Variants in DSPP observed in about 807,000 individuals in gnomAD.
The protein encoded by DSPP is deafness, autosomal dominant 39.
In DSPP, 28 loss-of-function variants were observed where a neutral mutation model predicts 29.1. That is an observed-to-expected ratio of 0.96 (90% CI 0.71 to 1.32). DSPP has a LOEUF of 1.32. Among genes scored for constraint, DSPP ranks in the 40% most tolerant of loss-of-function variants. DSPP has a pLI of 0.00. For synonymous variants in DSPP, 481 were observed against 503.4 expected, an observed-to-expected ratio of 0.96 and a Z score of 0.60; for missense variants, 1,281 against 1,629.9, an observed-to-expected ratio of 0.79 and a Z score of 3.69.
At position 87,613,979 on chromosome 4, in the gene DSPP, C is replaced by A. The variant is rs1171063709; in HGVS notation, c.1317C>A (p.Ser439Arg). Residue 439 changes from serine (S) to arginine (R), a missense_variant, in exon 5 of 5, where the codon AGC becomes AGA. Around this residue, in one of 4 missense-constraint regions of DSPP, gnomAD observed 631 missense variants for 643.2 expected, o/e 0.98. Coordinates refer to ENST00000651931, the MANE Select transcript of DSPP (RefSeq NM_014208.3). ...AACCAGGAAATAAAGTTGGACACAG[C>A]AATACAGGTAGTGACAGCAATAGTG... Reference protein sequence around the residue: ...KSEPGNKVGHSNTGSDSNSDG... With the variant: ...KSEPGNKVGHRNTGSDSNSDG... 1.3e-5 allele frequency: 21 copies of A among 1,614,116 alleles called. No homozygotes were observed. The East Asian group carries it at 4.2e-4, about 33-fold the overall frequency.
At position 87,614,882 on chromosome 4, in the gene DSPP, C is replaced by A. The variant is rs1484786623; in HGVS notation, c.2220C>A (p.Ser740Arg). Residue 740 changes from serine to arginine, a missense_variant, in exon 5 of 5, where the codon AGC becomes AGA. By Grantham distance (110) the Ser-to-Arg change is moderately radical (BLOSUM62 -1). Transcript: ENST00000651931. ...NSSDSSDSSN[S>R]SDSSDSSDSS... The stretch of plus-strand genomic sequence containing the variant: ...GCGATAGCAGTGACAGCAGCAACAG[C>A]AGTGACAGCAGTGATAGCAGTGACA... 3 of 1,543,906 alleles carry A rather than the reference C, an allele frequency of 1.9e-6. No individual in the cohort carries two copies. The highest frequency in any genetic ancestry group is 1.8e-6 in the Non-Finnish European group (2 of 1,141,610).
rs777881699 is a variant in DSPP at position 87,612,431 on chromosome 4, G to T, written c.245G>T (p.Gly82Val). 6.2e-7 allele frequency: 1 copy of T among 1,614,020 alleles called. No individual in the cohort carries two copies. The highest frequency in any genetic ancestry group is 1.1e-5 in the South Asian group (1 of 91,052). The change falls in exon 4 of 5, where the codon GGC becomes GTC. Residue 82 changes from glycine to valine, a missense_variant. Transcript: ENST00000651931. ...TQDGHKGEGN[G>V]SKWAEVGGKS... Reference sequence around the variant, plus strand: ...GATGGTCACAAGGGAGAAGGGAATGGCTCTAAGTGGGCAGAAGTAGGAGGG... The same window carrying T: ...GATGGTCACAAGGGAGAAGGGAATGTCTCTAAGTGGGCAGAAGTAGGAGGG...
At position 87,613,280 on chromosome 4, in the gene DSPP, C is replaced by T. The variant is rs1727776993; in HGVS notation, c.1094C>T (p.Thr365Ile). The T allele has an allele frequency of 6.2e-7, 1 of 1,613,518 alleles. No homozygotes were observed. Among genetic ancestry groups the T allele is most frequent in the Non-Finnish European group, 8.5e-7 (1 of 1,180,012 alleles). ...VENRITKESE[T>I]HAVGKSQDKG... Reference sequence around the variant, plus strand: ...AATAGAATCACCAAAGAATCAGAGACACATGCTGTTGGGAAGAGCCAAGAT... The same window carrying T: ...AATAGAATCACCAAAGAATCAGAGATACATGCTGTTGGGAAGAGCCAAGAT... Residue 365 changes from threonine to isoleucine, a missense_variant, in exon 4 of 5, where the codon ACA becomes ATA. Coordinates refer to ENST00000651931, the MANE Select transcript of DSPP (RefSeq NM_014208.3).
Position 87,614,812 on chromosome 4 carries a change from ACAG to A in DSPP, c.2154_2156del (p.Ser719del). 1 of 1,550,340 alleles carries A rather than the reference ACAG, an allele frequency of 6.5e-7. No individual in the cohort carries two copies. Among genetic ancestry groups the A allele is most frequent in the Non-Finnish European group, 8.7e-7 (1 of 1,146,766 alleles). ...GATAGTGACAGCAGTGATAGTAGTG[ACAG>A]CAGTAATAGTAACAGCAGCGATAGT... On this transcript the variant is annotated inframe_deletion, in exon 5 of 5. Transcript: ENST00000651931.
intron 4 of DSPP, 39 bp from the exon 5 acceptor site, chr4:87,613,746 A>G (rs1727787596): frequency 6.2e-7 from 1 of 1,613,790 alleles, no homozygotes; most frequent in African/African-American, 1.3e-5. Flanking sequence ...TGCAGCAAAT[A>G]TTCACTAGTT....
chr4:87,614,982 A>G lies in DSPP; in HGVS notation c.2320A>G (p.Ser774Gly). Reference protein sequence around the residue: ...SSDSSDSSDSSDSSDSSNSSD... With the variant: ...SSDSSDSSDSGDSSDSSNSSD... ...TGACAGCAGTGATAGCAGTGACAGC[A>G]GTGATAGTAGTGACAGCAGCAACAG... Residue 774 changes from serine to glycine, a missense_variant, in exon 5 of 5, where the codon AGT (serine) becomes GGT (glycine). By Grantham distance (56) the Ser-to-Gly change is moderately conservative (BLOSUM62 0). This residue lies in a region of DSPP where 444 missense variants were observed against 611.4 expected (regional missense o/e 0.73). Coordinates refer to ENST00000651931, the MANE Select transcript of DSPP (RefSeq NM_014208.3). 6.4e-7 allele frequency: 1 copy of G among 1,551,508 alleles called. No homozygotes were observed. Among genetic ancestry groups the G allele is most frequent in the Non-Finnish European group, 8.7e-7 (1 of 1,146,958 alleles).
In DSPP at chr4:87,614,531, G is replaced by A. The variant is rs1406457313; in HGVS notation, c.1869G>A (p.Lys623=). 3.9e-6 allele frequency: 6 copies of A among 1,548,912 alleles called. No homozygotes were observed. The South Asian group carries it at 6.0e-5, about 15-fold the overall frequency. Residue 623 remains lysine (K), a synonymous_variant, in exon 5 of 5, where the codon AAG becomes AAA. Transcript: ENST00000651931. ...ATAGTAGTGACAGCAGTGACAGCAAGTCAGACAGCAGCAAATCAGAGAGCG... is the reference window on the plus strand; with the variant it reads ...ATAGTAGTGACAGCAGTGACAGCAAATCAGACAGCAGCAAATCAGAGAGCG... ...SSDSSDSSDS[K]SDSSKSESDS... is the part of the protein sequence containing the mutation.
chr4:87,612,661 G>A lies in DSPP; in HGVS notation c.475G>A (p.Asp159Asn), dbSNP rs1389022544. ...CAGAAGCAACACTAATGGAAATACT[G>A]ATAAGAATACCCAAAATGGGGATGT... ...TNRSNTNGNT[D>N]KNTQNGDVGD... The change falls in exon 4 of 5, where the codon GAT (aspartate) becomes AAT (asparagine). Residue 159 changes from aspartate to asparagine, a missense_variant. By Grantham distance (23) the Asp-to-Asn change is conservative (BLOSUM62 1). Transcript: ENST00000651931. The A allele has an allele frequency of 1.2e-6, 2 of 1,614,066 alleles. No homozygotes were observed. The highest frequency in any genetic ancestry group is 4.5e-5 in the East Asian group (2 of 44,880).
rs1298233938 is a variant in DSPP at position 87,614,149 on chromosome 4, A to G, written c.1487A>G (p.Asp496Gly). The G allele has an allele frequency of 1.9e-6, 3 of 1,614,144 alleles. No individual in the cohort carries two copies. Among genetic ancestry groups the G allele is most frequent in the Non-Finnish European group, 2.5e-6 (3 of 1,180,054 alleles). The change falls in exon 5 of 5, where the codon GAT (aspartate) becomes GGT (glycine). Residue 496 changes from aspartate to glycine, a missense_variant. Physicochemically the swap from Asp to Gly is moderately conservative, Grantham distance 94. Around this residue, in one of 4 missense-constraint regions of DSPP, gnomAD observed 631 missense variants for 643.2 expected, o/e 0.98. Coordinates refer to ENST00000651931, the MANE Select transcript of DSPP (RefSeq NM_014208.3). ...SSRGDASYNSDESKDNGNGSD... is the reference protein window; with the variant it reads ...SSRGDASYNSGESKDNGNGSD... ...CGAGGAGATGCTTCTTATAACTCTG[A>G]TGAATCAAAAGATAATGGCAATGGC...
chr4:87,609,230 A>G (rs1727690226), intron 1 of DSPP, among the ~76,000 whole-genome samples: 1 of 152,216 alleles, frequency 6.6e-6, no homozygotes, highest in African/African-American at 2.4e-5. Flanking sequence ...GGTGATAACC[A>G]TCATGGAATT....
intron 4 of DSPP, 126 bp downstream of exon 4, chr4:87,613,434 T>A: frequency 8.2e-7 from 1 of 1,216,524 alleles, no homozygotes; most frequent in Middle Eastern, 2.1e-4. Context: ...ACTTGACTAT[T>A]TAAGGAAATC....
At chr4:87,611,072 T>C in intron 2 of DSPP, 113 bp downstream of exon 2, 1 of 993,738 alleles carries the variant, frequency 1.0e-6, no homozygotes, top group Non-Finnish European at 1.6e-6. Context: ...TGCATGTACA[T>C]GTGTGTATAT....
rs970438083 is a variant in DSPP at position 87,613,862 on chromosome 4, G to A, written c.1200G>A (p.Glu400=). Residue 400 remains glutamate (E), a synonymous_variant, in exon 5 of 5, where the codon GAG becomes GAA. Coordinates refer to ENST00000651931, the MANE Select transcript of DSPP (RefSeq NM_014208.3). ...KEVGKGNEGK[E]DKGQHGMILG... Reference sequence around the variant, plus strand: ...TTGGGAAAGGCAACGAAGGTAAAGAGGATAAAGGACAACATGGAATGATCT... The same window carrying A: ...TTGGGAAAGGCAACGAAGGTAAAGAAGATAAAGGACAACATGGAATGATCT... 8 of 1,614,168 alleles carry A rather than the reference G, an allele frequency of 5.0e-6. No homozygotes were observed. The highest frequency in any genetic ancestry group is 6.8e-6 in the Non-Finnish European group (8 of 1,180,038).
chr4:87,611,015 A>T (rs1461486162), intron 2 of DSPP, 56 bp downstream of exon 2: 5 of 1,481,954 alleles, frequency 3.4e-6, no homozygotes, highest in Non-Finnish European at 4.7e-6. Context: ...TTAACCTAAC[A>T]TTAATACAAA....
At position 87,612,812 on chromosome 4, in the gene DSPP, A is replaced by G. The variant is rs1382539718; in HGVS notation, c.626A>G (p.Asn209Ser). Residue 209 changes from asparagine (N) to serine (S), a missense_variant, in exon 4 of 5, where the codon AAT becomes AGT. Physicochemically the swap from Asn to Ser is conservative, Grantham distance 46 (BLOSUM62 1). This residue lies in a region of DSPP where 631 missense variants were observed against 643.2 expected (regional missense o/e 0.98). Coordinates refer to ENST00000651931, the MANE Select transcript of DSPP (RefSeq NM_014208.3). ...IIENSCRNEGNTSEITPQINS... is the reference protein window; with the variant it reads ...IIENSCRNEGSTSEITPQINS... ...GAGAATTCCTGTAGAAACGAGGGTA[A>G]TACAAGTGAAATAACACCTCAGATC... 2.5e-6 allele frequency: 4 copies of G among 1,614,232 alleles called. No individual in the cohort carries two copies. The South Asian group carries it at 3.3e-5, about 13-fold the overall frequency.
rs1274027183 is a variant in DSPP, at chr4:87,615,142, G to C, written c.2480G>C (p.Ser827Thr). ...DSDSSNSSDSSNSSDSSDSSN... is the reference protein window; with the variant it reads ...DSDSSNSSDSTNSSDSSDSSN... Reference sequence around the variant, plus strand: ...GACAGCAGCAATAGCAGTGACAGCAGTAATAGTAGTGACAGCAGCGATAGC... The same window carrying C: ...GACAGCAGCAATAGCAGTGACAGCACTAATAGTAGTGACAGCAGCGATAGC... Residue 827 changes from serine to threonine, a missense_variant, in exon 5 of 5, where the codon AGT becomes ACT. By Grantham distance (58) the Ser-to-Thr change is moderately conservative. Transcript: ENST00000651931. The C allele has an allele frequency of 1.2e-5, 19 of 1,540,430 alleles. No individual in the cohort carries two copies. The East Asian group carries it at 4.7e-4, about 38-fold the overall frequency.
chr4:87,615,548 C>T lies in DSPP; in HGVS notation c.2886C>T (p.Ser962=), dbSNP rs1727871261. 2.6e-6 allele frequency: 4 copies of T among 1,549,962 alleles called. No individual in the cohort carries two copies. Among genetic ancestry groups the T allele is most frequent in the East Asian group, 4.9e-5 (2 of 40,814 alleles). ...NSSDSSNSSD[S]SNSSDSSDSN... ...GTGACAGCAGCAATAGCAGTGACAG[C>T]AGCAACAGCAGTGACAGCAGTGATA... The change falls in exon 5 of 5, where the codon AGC becomes AGT. Residue 962 remains serine (S), a synonymous_variant. Transcript: ENST00000651931.
In DSPP at chr4:87,613,097, A is replaced by G. The variant is rs1727771470; in HGVS notation, c.911A>G (p.Tyr304Cys). ...SIGQNSDSKE[Y>C]YDPEGKEDPH... ...GGTCAAAATTCAGATAGTAAAGAAT[A>G]TTATGACCCTGAAGGCAAAGAAGAT... The change falls in exon 4 of 5, where the codon TAT becomes TGT. Residue 304 changes from tyrosine to cysteine, a missense_variant. By Grantham distance (194) the Tyr-to-Cys change is radical. Around this residue, in one of 4 missense-constraint regions of DSPP, gnomAD observed 631 missense variants for 643.2 expected, o/e 0.98. Coordinates refer to ENST00000651931, the MANE Select transcript of DSPP (RefSeq NM_014208.3). The G allele has an allele frequency of 1.2e-6, 2 of 1,614,106 alleles. No individual in the cohort carries two copies. Among genetic ancestry groups the G allele is most frequent in the African/African-American group, 2.7e-5 (2 of 74,942 alleles).
intron 4 of DSPP, 76 bp downstream of exon 4, chr4:87,613,384 T>C: frequency 3.9e-6 from 6 of 1,531,760 alleles, no homozygotes; most frequent in Non-Finnish European, 5.4e-6. Flanking sequence ...AGCACAAAAA[T>C]AAACCATGAC....
Sources: gnomAD v4.1 joint callset for allele counts (sites outside exome capture counted in the v4.1 genomes callset) on GRCh38, gnomAD v4.1.1 for gene constraint, gnomAD v4.1.1 regional missense constraint, MANE v1.5 for transcripts, NCBI Gene and HGNC (gene_info 2026-07-23, HGNC 2026-07-21) for gene names.